The following CEP128 variants were observed in gnomAD, a reference collection of about 807,000 sequenced individuals.
The protein encoded by CEP128 is centrosomal protein 128kDa.
A neutral mutation model predicts 156.7 loss-of-function variants in CEP128; 132 were observed. The observed-to-expected ratio is 0.84, with a 90% confidence interval of 0.73 to 0.97. The LOEUF (loss-of-function observed/expected upper bound fraction) is 0.97, where lower values mean the gene tolerates loss of function less well. CEP128 is among the 50% of genes least tolerant of loss of function. The pLI is 0.00. For missense variants in CEP128, 1,252 were observed against 1,281.9 expected (o/e 0.98, Z 0.36); for synonymous variants, 469 against 448.9 (o/e 1.04, Z -0.57).
chr14:80,904,927 G>T lies in CEP128; in HGVS notation c.366C>A (p.Leu122=). The T allele has an allele frequency of 6.4e-7, 1 of 1,555,698 alleles. No individual in the cohort carries two copies. The highest frequency in any genetic ancestry group is 8.9e-7 in the Non-Finnish European group (1 of 1,126,924). ...GAGGTGAGGTAGGTGGAAAATGATG[G>T]AGCTCTTCACAAGTGAAAGAAAAGG... ...SDLDGGTGSE[L]HHFPPTSPLK... is the part of the protein sequence containing the mutation. The change falls in exon 6 of 25, where the codon CTC becomes CTA. Residue 122 remains leucine (L), a synonymous_variant. Transcript: ENST00000555265.
Position 80,904,877 on chromosome 14 carries a change from C to A in CEP128, c.416G>T (p.Gly139Val), listed in dbSNP as rs766032833. The A allele has an allele frequency of 2.5e-6, 4 of 1,612,572 alleles. No individual in the cohort carries two copies. Among genetic ancestry groups the A allele is most frequent in the Non-Finnish European group, 3.4e-6 (4 of 1,178,762 alleles). ...AGTTCTTGATCTCATTCGTTTAATACCCTGTGGATCCCCATAGTCCTTGAG... is the reference window on the plus strand; with the variant it reads ...AGTTCTTGATCTCATTCGTTTAATAACCTGTGGATCCCCATAGTCCTTGAG... ...SPLKDYGDPQ[G>V]IKRMRSRTGV... is the part of the protein sequence containing the mutation. Residue 139 changes from glycine (G) to valine (V), a missense_variant, in exon 6 of 25, where the codon GGT (glycine) becomes GTT (valine). Gly to Val is a moderately radical substitution (Grantham distance 109). Coordinates refer to ENST00000555265, the MANE Select transcript of CEP128 (RefSeq NM_152446.5).
chr14:80,770,662 G>A (rs1900467291), intron 16 of CEP128, among the ~76,000 whole-genome samples: 1 of 152,014 alleles, frequency 6.6e-6, no homozygotes, highest in Admixed American at 6.6e-5. Flanking sequence ...AATCTTACAG[G>A]AAATTACTCA....
intron 20 of CEP128, among the ~76,000 whole-genome samples, chr14:80,576,312 A>C (rs1429406315): frequency 1.3e-5 from 2 of 152,120 alleles, no homozygotes; most frequent in Non-Finnish European, 2.9e-5. Flanking sequence ...TGTATCTCAA[A>C]CTCATATGCA....
chr14:80,889,166 G>T (rs947122910), intron 8 of CEP128, among the ~76,000 whole-genome samples: 4 of 152,172 alleles, frequency 2.6e-5, no homozygotes, highest in Non-Finnish European at 4.4e-5. Context: ...CATCCTCATG[G>T]ACATGAAGAA....
chr14:80,761,142 G>C (rs1352211137), intron 17 of CEP128, among the ~76,000 whole-genome samples: 1 of 151,336 alleles, frequency 6.6e-6, no homozygotes, highest in Admixed American at 6.6e-5. Flanking sequence ...GCCTGCGATA[G>C]TGAAAACTCA....
intron 13 of CEP128, among the ~76,000 whole-genome samples, chr14:80,818,382 A>C (rs1249921149): frequency 1.3e-5 from 2 of 152,268 alleles, no homozygotes; most frequent in African/African-American, 4.8e-5. Context: ...AGACATGCAC[A>C]GATCAACAAA....
At chr14:80,927,650 C>A (rs1445411200) in intron 2 of CEP128, among the ~76,000 whole-genome samples, 2 of 152,082 alleles carry the variant, frequency 1.3e-5, no homozygotes, top group East Asian at 3.9e-4. Context: ...TGTGGTGGCT[C>A]CCTCCCTTGC....
At position 80,777,921 on chromosome 14, in the gene CEP128, C is replaced by T; in HGVS notation, c.2337G>A (p.Lys779=). The change falls in exon 16 of 25, where the codon AAG becomes AAA. Residue 779 remains lysine, a synonymous_variant. Transcript: ENST00000555265. ...TQNENENKKL[K]LKYQCLKDQL... ...GATCCTTCAAACATTGATATTTTAG[C>T]TTCAGTTTTTTGTTCTCATTTTCAT... The T allele has an allele frequency of 6.2e-7, 1 of 1,611,582 alleles. No homozygotes were observed. Among genetic ancestry groups the T allele is most frequent in the South Asian group, 1.1e-5 (1 of 90,982 alleles).
rs571559323 is a variant in CEP128 at position 80,764,356 on chromosome 14, G to A, written c.2377-2743C>T. ...TACTAAAAATACAAAAAAATTAGCCGGGCGCGGTGGCAGGCGCCTGTAGTC... is the reference window on the plus strand; with the variant it reads ...TACTAAAAATACAAAAAAATTAGCCAGGCGCGGTGGCAGGCGCCTGTAGTC... On this transcript the variant is annotated intron_variant, in intron 16 of 24. Coordinates refer to ENST00000555265, the MANE Select transcript of CEP128 (RefSeq NM_152446.5). Among the ~76,000 whole-genome samples the A allele has an allele frequency of 1.3e-4, 20 of 151,962 alleles. 1 individual carries two copies. Among genetic ancestry groups the A allele is most frequent in the South Asian group, 8.3e-4 (4 of 4,820 alleles).
Position 80,550,764 on chromosome 14 carries a change from A to G in CEP128, c.2880+8515T>C, listed in dbSNP as rs559467701. 1.3e-4 allele frequency among the ~76,000 whole-genome samples: 20 copies of G among 151,062 alleles called. 1 individual carries two copies. Among genetic ancestry groups the G allele is most frequent in the South Asian group, 1.3e-3 (6 of 4,792 alleles). The stretch of plus-strand genomic sequence containing the variant: ...ATAGACTGGATTAGCATTACAATTA[A>G]TATTAGGTATATTATAAATTTTGAG... On this transcript the variant is annotated intron_variant, in intron 21 of 24. Transcript: ENST00000555265.
chr14:80,895,276 C>CAA (rs1889292149), intron 8 of CEP128, among the ~76,000 whole-genome samples: 1 of 152,020 alleles, frequency 6.6e-6, no homozygotes, highest in Admixed American at 6.6e-5. Flanking sequence ...GCAAAGAGGT[C>CAA]TTTGTAGCAA....
At chr14:80,900,722 A>G (rs1048114621) in intron 6 of CEP128, among the ~76,000 whole-genome samples, 1 of 152,240 alleles carries the variant, frequency 6.6e-6, no homozygotes, top group African/African-American at 2.4e-5. Context: ...GCATTAGTAA[A>G]GCTGAATGTC....
At chr14:80,642,462 T>C (rs373139586) in intron 19 of CEP128, among the ~76,000 whole-genome samples, 2 of 152,096 alleles carry the variant, frequency 1.3e-5, no homozygotes, top group African/African-American at 4.8e-5. Flanking sequence ...GCAGGAAGAC[T>C]GCTTGAGGCC....
chr14:80,720,314 T>C lies in CEP128; in HGVS notation c.2806+22761A>G, dbSNP rs1897767257. ...TAAAAAACTGGGATGTTTCCCTAAG[T>C]GCACGGTCCATTGAAAGGTTGAAGG... is the stretch of plus-strand genomic sequence containing the variant. On this transcript the variant is annotated intron_variant, in intron 19 of 24. Transcript: ENST00000555265. Among the ~76,000 whole-genome samples, 3 of 152,126 alleles carry C rather than the reference T, an allele frequency of 2.0e-5. No homozygotes were observed. In the South Asian group the frequency reaches 6.2e-4, roughly 32 times the overall value.
chr14:80,699,403 T>C (rs1412159019), intron 19 of CEP128, among the ~76,000 whole-genome samples: 1 of 152,226 alleles, frequency 6.6e-6, no homozygotes, highest in Non-Finnish European at 1.5e-5. Flanking sequence ...TTTAAACCAT[T>C]GCTTAATGTC....
chr14:80,777,721 A>C (rs1411225596), intron 16 of CEP128, among the ~76,000 whole-genome samples, 161 bp downstream of exon 16: 1 of 152,232 alleles, frequency 6.6e-6, no homozygotes, highest in Non-Finnish European at 1.5e-5. Context: ...GGTTGAAAGA[A>C]TAAAAATCAC....
intron 21 of CEP128, among the ~76,000 whole-genome samples, chr14:80,554,682 A>T (rs975437085): frequency 5.3e-5 from 8 of 151,822 alleles, no homozygotes; most frequent in Admixed American, 4.6e-4. Context: ...ATTCTCCAAG[A>T]CCTGTAGCTA....
chr14:80,822,696 GAA>G, intron 13 of CEP128: 1 of 836,178 alleles, frequency 1.2e-6, no homozygotes, highest in Admixed American at 1.7e-5. Flanking sequence ...GGGAAAAAGG[GAA>G]AAGCTGATGC....
At chr14:80,582,393 C>A (rs977186055) in intron 19 of CEP128, among the ~76,000 whole-genome samples, 2 of 152,114 alleles carry the variant, frequency 1.3e-5, no homozygotes, top group African/African-American at 4.8e-5. Context: ...AATAGATGCA[C>A]TGGAAAAGAG....
Sources: gnomAD v4.1 joint callset for allele counts (sites outside exome capture counted in the v4.1 genomes callset) on GRCh38, gnomAD v4.1.1 for gene constraint, MANE v1.5 for transcripts, NCBI Gene and HGNC (gene_info 2026-07-23, HGNC 2026-07-21) for gene names.